NEURL1: variants seen among roughly 807,000 people sequenced by gnomAD.
NEURL1 encodes the protein E3 ubiquitin-protein ligase NEURL1.
Under a neutral mutation model 41.2 loss-of-function variants are expected in NEURL1, and 26 were observed. The observed-to-expected ratio is 0.63, with a 90% CI of 0.46 to 0.87. NEURL1 has a LOEUF of 0.87. NEURL1 is among the 40% of genes least tolerant of loss of function. The probability of loss-of-function intolerance (pLI) is 0.00; values close to 1 mark genes in which losing one functional copy is unlikely to be tolerated. For synonymous variants in NEURL1, 400 were observed against 402.3 expected (o/e 0.99, Z 0.07); for missense variants, 761 against 871.1 (o/e 0.87, Z 1.59).
intron 1 of NEURL1, chr10:103,494,771 A>AGGGGAGT (rs2033643886): frequency 2.7e-6 from 1 of 376,462 alleles, no homozygotes. Context: ...CCAGGTCGAT[A>AGGGGAGT]GGGGAGTGGG....
chr10:103,559,652 G>A (rs72848980), intron 1 of NEURL1, among the ~76,000 whole-genome samples: 17,544 of 152,156 alleles, frequency 0.12, 1,407 homozygotes, highest in Non-Finnish European at 0.18. Context: ...GCATCTCAGC[G>A]TCCACTTCTG....
At chr10:103,494,699 T>G in intron 1 of NEURL1, 1 of 536,480 alleles carries the variant, frequency 1.9e-6, no homozygotes. Flanking sequence ...ACTGGGAACG[T>G]CACTGGAGTC....
intron 1 of NEURL1, among the ~76,000 whole-genome samples, chr10:103,552,734 G>A (rs2035056038): frequency 6.6e-6 from 1 of 152,184 alleles, no homozygotes; most frequent in Admixed American, 6.5e-5. Context: ...AATAAATGTG[G>A]GTAGAGTTGA....
intron 3 of NEURL1, among the ~76,000 whole-genome samples, chr10:103,575,625 G>A (rs921956638): frequency 6.6e-6 from 1 of 152,172 alleles, no homozygotes; most frequent in Non-Finnish European, 1.5e-5. Flanking sequence ...GCCCTGGCCA[G>A]AATCCAAGCC....
At chr10:103,516,247 AAAG>A (rs1409068788) in intron 1 of NEURL1, among the ~76,000 whole-genome samples, 1 of 150,550 alleles carries the variant, frequency 6.6e-6, no homozygotes, top group Non-Finnish European at 1.5e-5. Flanking sequence ...AAAAAAAAGA[AAAG>A]AAAAAAATAA....
rs750406276 is a variant in NEURL1 at position 103,584,604 on chromosome 10, C to T, written c.718C>T (p.Arg240Trp). Residue 240 changes from arginine to tryptophan, a missense_variant, in exon 4 of 6, where the codon CGG becomes TGG. This residue lies in a region of NEURL1 where 114 missense variants were observed against 144.8 expected (regional missense o/e 0.79). Transcript: ENST00000369780. ...CACCGCCCTGCGGCGGCCGTCGCTG[C>T]GGCGCGAGGCGGACGACGCGCGCCT... ...SFTALRRPSL[R>W]READDARLSV... The T allele has an allele frequency of 1.4e-6, 2 of 1,410,932 alleles. No individual in the cohort carries two copies. The highest frequency in any genetic ancestry group is 9.2e-7 in the Non-Finnish European group (1 of 1,088,276). The allele number at this position is 1,410,932 out of a possible 1,614,324, so 87.4% of individuals were successfully genotyped here. A position where few individuals can be genotyped will look rare whatever the true frequency, so the allele number is the denominator to read the frequency against.
Position 103,584,971 on chromosome 10 carries a change from C to T in NEURL1, c.1085C>T (p.Pro362Leu). The change falls in exon 4 of 6, where the codon CCC (proline) becomes CTC (leucine). Residue 362 changes from proline (P) to leucine (L), a missense_variant. Pro to Leu is a moderately conservative substitution (Grantham distance 98). This residue lies in a region of NEURL1 where 443 missense variants were observed against 408.1 expected (regional missense o/e 1.09). Transcript: ENST00000369780. The part of the protein sequence containing the change: ...ALSFGVTTCD[P>L]GTLRPADLPF... Reference sequence around the variant, plus strand: ...TCGTTCGGCGTCACCACGTGCGACCCCGGCACGCTGCGGCCGGCCGACCTG... The same window carrying T: ...TCGTTCGGCGTCACCACGTGCGACCTCGGCACGCTGCGGCCGGCCGACCTG... 1 of 1,527,308 alleles carries T rather than the reference C, an allele frequency of 6.5e-7. No individual in the cohort carries two copies. Among genetic ancestry groups the T allele is most frequent in the Non-Finnish European group, 8.7e-7 (1 of 1,146,394 alleles). The allele number at this position is 1,527,308 out of a possible 1,614,324, so 94.6% of individuals were successfully genotyped here.
intron 1 of NEURL1, among the ~76,000 whole-genome samples, chr10:103,539,150 T>C (rs2133863069): frequency 6.6e-6 from 1 of 152,132 alleles, no homozygotes; most frequent in Non-Finnish European, 1.5e-5. Context: ...TTTTGTGATG[T>C]TGCCCAGGCT....
chr10:103,504,598 C>T (rs188745630), intron 1 of NEURL1, among the ~76,000 whole-genome samples: 113 of 152,280 alleles, frequency 7.4e-4, no homozygotes, highest in African/African-American at 2.6e-3. Context: ...CTCCATTGTG[C>T]AGTTAAAGTT....
chr10:103,554,478 A>G (rs938590567), intron 1 of NEURL1, among the ~76,000 whole-genome samples: 2 of 151,966 alleles, frequency 1.3e-5, no homozygotes, highest in Non-Finnish European at 2.9e-5. Flanking sequence ...GTGTGTGTGT[A>G]TGTGCATGGT....
At chr10:103,587,424 C>A (rs1025968863) in intron 4 of NEURL1, among the ~76,000 whole-genome samples, 7 of 152,196 alleles carry the variant, frequency 4.6e-5, no homozygotes, top group African/African-American at 1.7e-4. Context: ...AAGAACCACC[C>A]AGAATTCAAT....
chr10:103,502,625 AG>A (rs2033850177), intron 1 of NEURL1, among the ~76,000 whole-genome samples: 1 of 152,218 alleles, frequency 6.6e-6, no homozygotes, highest in Non-Finnish European at 1.5e-5. Context: ...ATGAATATTG[AG>A]GGGGCGGGTA....
At chr10:103,551,654 C>T (rs1016886610) in intron 1 of NEURL1, among the ~76,000 whole-genome samples, 1 of 152,162 alleles carries the variant, frequency 6.6e-6, no homozygotes, top group Non-Finnish European at 1.5e-5. Flanking sequence ...AGAAGGGGTG[C>T]AGCTCTTCTG....
chr10:103,527,147 T>C (rs1204224162), intron 1 of NEURL1, among the ~76,000 whole-genome samples: 1 of 152,104 alleles, frequency 6.6e-6, no homozygotes, highest in African/African-American at 2.4e-5. Flanking sequence ...CCATATAGGG[T>C]AACTTAGGGA....
rs1479573602 is a variant in NEURL1, at chr10:103,556,296, C to CT, written c.86-14575dup. Among the ~76,000 whole-genome samples, 2 of 152,110 alleles carry CT rather than the reference C, an allele frequency of 1.3e-5. No homozygotes were observed. Among genetic ancestry groups the CT allele is most frequent in the African/African-American group, 2.4e-5 (1 of 41,420 alleles). Reference sequence around the variant, plus strand: ...TGGCAGCAGACCCGGAGAAGCCTTCCTAGGGACTTGTGTGTCTTCCCTGGG... The same window carrying CT: ...TGGCAGCAGACCCGGAGAAGCCTTCCTTAGGGACTTGTGTGTCTTCCCTGGG... On this transcript the variant is annotated intron_variant, in intron 1 of 5. Coordinates refer to ENST00000369780, the MANE Select transcript of NEURL1 (RefSeq NM_004210.5). This position sits in a 1 kb window ranked among gnomAD's most constrained non-coding sequence, Gnocchi z 4.4.
intron 1 of NEURL1, among the ~76,000 whole-genome samples, chr10:103,561,971 T>C (rs971765370): frequency 2.6e-5 from 4 of 152,246 alleles, no homozygotes; most frequent in Admixed American, 2.0e-4. Context: ...AAGTGGGTGC[T>C]GCCTGAACTC....
intron 1 of NEURL1, among the ~76,000 whole-genome samples, chr10:103,497,463 C>G (rs2033712090): frequency 6.6e-6 from 1 of 152,100 alleles, no homozygotes; most frequent in Non-Finnish European, 1.5e-5. Context: ...TCTCTTGATT[C>G]CTCACCATTT....
intron 1 of NEURL1, among the ~76,000 whole-genome samples, chr10:103,564,119 A>G (rs1449674640): frequency 6.6e-6 from 1 of 152,082 alleles, no homozygotes; most frequent in Non-Finnish European, 1.5e-5. Context: ...TCCGGAGGGT[A>G]TGTGTGTCAA....
intron 1 of NEURL1, among the ~76,000 whole-genome samples, chr10:103,562,371 A>G (rs2035314518): frequency 6.6e-6 from 1 of 152,228 alleles, no homozygotes; most frequent in Non-Finnish European, 1.5e-5. Context: ...TGACCGAGCC[A>G]GACTCCGTCT....
Sources: gnomAD v4.1 joint callset for allele counts (sites outside exome capture counted in the v4.1 genomes callset) on GRCh38, gnomAD v4.1.1 for gene constraint, gnomAD v4.1.1 regional missense constraint, Gnocchi (gnomAD v3.1) non-coding constraint, MANE v1.5 for transcripts, NCBI Gene and HGNC (gene_info 2026-07-23, HGNC 2026-07-21) for gene names.